PRH1: variants seen among roughly 807,000 people sequenced by gnomAD.
PRH1 encodes proline rich protein HaeIII subfamily 1, also known as salivary acidic proline-rich phosphoprotein 1/2.
In PRH1, 7 loss-of-function variants were observed where a neutral mutation model predicts 7.9. The observed-to-expected ratio is 0.89, with a 90% CI of 0.50 to 1.67. The LOEUF (loss-of-function observed/expected upper bound fraction) is 1.67. Ranked by LOEUF, PRH1 falls within the 40% of genes most tolerant of loss-of-function variation. The pLI is 0.00. For synonymous variants in PRH1, 45 were observed against 80.8 expected (o/e 0.56, Z 2.38); for missense variants, 109 against 223.6 (o/e 0.49, Z 3.27).
At chr12:10,909,437 G>A (rs916772358) in intron 2 of PRH1, 18 of 627,318 alleles carry the variant, frequency 2.9e-5, no homozygotes, top group Middle Eastern at 4.3e-4. Flanking sequence ...TTGGCTCAAC[G>A]TCAAAGCAGA....
chr12:11,028,155 C>A (rs917322605), intron 1 of PRH1, among the ~76,000 whole-genome samples: 7 of 152,192 alleles, frequency 4.6e-5, no homozygotes, highest in East Asian at 3.8e-4. Flanking sequence ...GGCATGAGGT[C>A]TGACTTTCAT....
intron 2 of PRH1, among the ~76,000 whole-genome samples, chr12:10,894,652 T>A (rs11054064): frequency 1.3e-5 from 2 of 152,252 alleles, no homozygotes; most frequent in East Asian, 3.9e-4. Flanking sequence ...ATGCAACATA[T>A]TAATAAAATT....
rs142025001 is a variant in PRH1, at chr12:11,071,510, T to C, written n.124-24322A>G. 9.2e-5 allele frequency among the ~76,000 whole-genome samples: 14 copies of C among 152,278 alleles called. No homozygotes were observed. In the East Asian group the frequency reaches 2.7e-3, roughly 29 times the overall value. On this transcript the variant is annotated intron_variant and non_coding_transcript_variant, in intron 1 of 4. Coordinates refer to the PRH1 transcript ENST00000541977. ...GGCACAGACACAAAGGAATGTAGAG[T>C]AGTTTATCTAAAGAGCTTGTTTACT...
intron 2 of PRH1, chr12:10,891,653 CTTG>C (rs10550170): frequency 0.49 from 74,372 of 151,722 alleles, 20,624 homozygotes; most frequent in East Asian, 0.72. Flanking sequence ...TAGCTTGTCA[CTTG>C]TTGTACTTGC....
At chr12:11,028,398 C>T (rs1942023584) in intron 1 of PRH1, among the ~76,000 whole-genome samples, 1 of 152,222 alleles carries the variant, frequency 6.6e-6, no homozygotes, top group South Asian at 2.1e-4. Flanking sequence ...CTGTCTCTCT[C>T]ACCTCACTGT....
At chr12:11,049,907 T>C (rs1490873408), upstream of PRH1, among the ~76,000 whole-genome samples, 3 of 152,200 alleles carry the variant, frequency 2.0e-5, no homozygotes, top group Non-Finnish European at 4.4e-5. Flanking sequence ...CCTCAATACA[T>C]AGACACACAT....
chr12:11,041,644 C>A (rs535582699), intron 1 of PRH1, among the ~76,000 whole-genome samples: 8 of 152,142 alleles, frequency 5.3e-5, no homozygotes, highest in Non-Finnish European at 1.0e-4. Context: ...TAGATACTTA[C>A]GTAACATTTC....
chr12:11,008,884 A>G (rs34211071), intron 1 of PRH1, among the ~76,000 whole-genome samples: 46,020 of 151,648 alleles, frequency 0.3, 8,794 homozygotes, highest in East Asian at 0.73. Flanking sequence ...TAGGTATAGA[A>G]TTATAGGGTC....
At chr12:10,978,720 C>T (rs905400117) in intron 1 of PRH1, among the ~76,000 whole-genome samples, 16 of 151,742 alleles carry the variant, frequency 1.1e-4, no homozygotes, top group African/African-American at 3.4e-4. Context: ...CTTGATTTTG[C>T]GAGCAAAAAA....
At chr12:11,105,897 T>C (rs1945394951) in intron 1 of PRH1, among the ~76,000 whole-genome samples, 1 of 152,066 alleles carries the variant, frequency 6.6e-6, no homozygotes, top group Admixed American at 6.5e-5. Context: ...CAATAATTCT[T>C]AAAACCTGGT....
intron 1 of PRH1, among the ~76,000 whole-genome samples, chr12:10,975,495 ATAAAGTAACC>A (rs778974083): frequency 1.3e-4 from 20 of 152,218 alleles, no homozygotes; most frequent in Non-Finnish European, 2.2e-4. Flanking sequence ...CAGTAACACT[ATAAAGTAACC>A]ACACAACCCA....
chr12:10,994,166 G>C (rs748215856), intron 1 of PRH1, among the ~76,000 whole-genome samples: 2 of 152,110 alleles, frequency 1.3e-5, no homozygotes, highest in African/African-American at 4.8e-5. Context: ...CTATTCCCCT[G>C]GTCAGCACCT....
At chr12:11,167,648 A>G (rs568633491) in intron 1 of PRH1, among the ~76,000 whole-genome samples, 6 of 151,978 alleles carry the variant, frequency 3.9e-5, no homozygotes, top group Non-Finnish European at 7.4e-5. Flanking sequence ...GGGTTTCACC[A>G]TGTTAGCCAG....
chr12:11,119,101 T>TA (rs1445230816), downstream of PRH1, among the ~76,000 whole-genome samples: 2 of 150,582 alleles, frequency 1.3e-5, no homozygotes, highest in Middle Eastern at 3.5e-3. Flanking sequence ...TTTGCAGCAA[T>TA]ACGGATGGAA....
intron 1 of PRH1, among the ~76,000 whole-genome samples, chr12:11,056,237 G>C (rs1490816586): frequency 6.6e-6 from 1 of 152,166 alleles, no homozygotes; most frequent in Non-Finnish European, 1.5e-5. Context: ...CTATTCCTTG[G>C]GCACTTAAAA....
At chr12:10,912,817 A>G (rs1949919341) in intron 2 of PRH1, among the ~76,000 whole-genome samples, 2 of 152,242 alleles carry the variant, frequency 1.3e-5, no homozygotes, top group African/African-American at 2.4e-5. Flanking sequence ...TGTTATGCAT[A>G]TATGGTCAAT....
At chr12:11,031,487 G>C in intron 1 of PRH1, 1 of 898,908 alleles carries the variant, frequency 1.1e-6, no homozygotes, top group Non-Finnish European at 1.6e-6. Flanking sequence ...TGGACCCAAA[G>C]AGTGAGCAAC....
intron 1 of PRH1, among the ~76,000 whole-genome samples, chr12:11,130,255 G>A (rs367836062): frequency 6.6e-6 from 1 of 152,170 alleles, no homozygotes; most frequent in Non-Finnish European, 1.5e-5. Context: ...TAAAATACCA[G>A]AAGAAAATAG....
At chr12:10,919,079 CTGTT>C (rs1443090820) in intron 2 of PRH1, among the ~76,000 whole-genome samples, 1 of 152,040 alleles carries the variant, frequency 6.6e-6, no homozygotes, top group Non-Finnish European at 1.5e-5. Context: ...GGTATTTTCT[CTGTT>C]TGATTGTTTA....
Sources: allele counts gnomAD v4.1 joint callset (sites outside exome capture counted in the v4.1 genomes callset), GRCh38; gene constraint gnomAD v4.1.1; transcripts MANE v1.5; gene names NCBI Gene and HGNC (gene_info 2026-07-23, HGNC 2026-07-21).